Variants in STK24 observed in about 807,000 individuals in gnomAD.
The protein encoded by STK24 is serine/threonine kinase 24, also known as serine/threonine-protein kinase 24.
STK24 carries 21 observed loss-of-function variants against 55.6 expected under a neutral mutation model. The ratio of observed to expected loss-of-function variants is 0.38; its 90% CI spans 0.27 to 0.54. The LOEUF is 0.54. STK24 is among the 20% of genes least tolerant of loss of function. STK24 has a pLI of 0.79. For missense variants in STK24, 383 were observed against 538.4 expected, an observed-to-expected ratio of 0.71 and a Z score of 2.86; for synonymous variants, 200 against 215.2, an observed-to-expected ratio of 0.93 and a Z score of 0.62.
intron 1 of STK24, among the ~76,000 whole-genome samples, chr13:98,534,368 T>C (rs1896656253): frequency 4.6e-5 from 7 of 152,198 alleles, no homozygotes; most frequent in Admixed American, 3.9e-4. Flanking sequence ...AAGCTGTCCT[T>C]TTCATTCCTG....
chr13:98,471,049 C>T (rs938685818), intron 5 of STK24, among the ~76,000 whole-genome samples: 19 of 152,198 alleles, frequency 1.2e-4, no homozygotes, highest in Admixed American at 3.3e-4. Context: ...ATTACTCATG[C>T]AAAAATAAAG....
intron 1 of STK24, among the ~76,000 whole-genome samples, chr13:98,567,818 T>C (rs1897625575): frequency 6.6e-6 from 1 of 151,788 alleles, no homozygotes; most frequent in Non-Finnish European, 1.5e-5. Context: ...CAGCATCTAA[T>C]TGGGTCAATC....
In STK24 at chr13:98,508,250, G is replaced by A. The variant is rs1414636271; in HGVS notation, c.273+10993C>T. On this transcript the variant is annotated intron_variant, in intron 2 of 10. Transcript: ENST00000539966. ...CCCAAAAGCAGAAATCATATAAGGT[G>A]AAAAACTGATGGATTAACTACATTA... Among the ~76,000 whole-genome samples, 12 of 152,266 alleles carry A rather than the reference G, an allele frequency of 7.9e-5. No homozygotes were observed. The East Asian group carries it at 2.3e-3, about 29-fold the overall frequency.
At chr13:98,491,923 CAT>C (rs1895051743) in intron 2 of STK24, among the ~76,000 whole-genome samples, 1 of 152,016 alleles carries the variant, frequency 6.6e-6, no homozygotes, top group African/African-American at 2.4e-5. Flanking sequence ...AAATAAAACA[CAT>C]GGCAAAATTT....
rs1325839832 is a variant in STK24, at chr13:98,497,275, C to T, written c.274-14954G>A. 1.3e-5 allele frequency among the ~76,000 whole-genome samples: 2 copies of T among 152,146 alleles called. 1 individual carries two copies. The highest frequency in any genetic ancestry group is 4.8e-5 in the African/African-American group (2 of 41,426). On this transcript the variant is annotated intron_variant, in intron 2 of 10. Transcript: ENST00000539966. Reference sequence around the variant, plus strand: ...AAGCCCCACCCAAGCCTCCCTGTGCCCCAGTTTTCTCCGCAGCACTTATGA... The same window carrying T: ...AAGCCCCACCCAAGCCTCCCTGTGCTCCAGTTTTCTCCGCAGCACTTATGA...
intron 1 of STK24, among the ~76,000 whole-genome samples, chr13:98,574,842 C>G (rs1321806605): frequency 4.8e-5 from 7 of 144,722 alleles, no homozygotes; most frequent in Non-Finnish European, 1.1e-4. Context: ...GAATTCTGAC[C>G]CACTCAAAAA....
At chr13:98,459,090 A>G (rs1238363796) in intron 9 of STK24, among the ~76,000 whole-genome samples, 1 of 152,208 alleles carries the variant, frequency 6.6e-6, no homozygotes, top group Non-Finnish European at 1.5e-5. Flanking sequence ...AGGAGAATGA[A>G]AAAGTCCATG....
At chr13:98,557,399 T>G (rs1291257717) in intron 1 of STK24, among the ~76,000 whole-genome samples, 2 of 152,180 alleles carry the variant, frequency 1.3e-5, no homozygotes, top group Non-Finnish European at 2.9e-5. Flanking sequence ...AGGACTTGGG[T>G]GCGTGGGTGC....
At chr13:98,532,421 A>C in intron 1 of STK24, among the ~76,000 whole-genome samples, 1 of 150,548 alleles carries the variant, frequency 6.6e-6, no homozygotes, top group African/African-American at 2.4e-5. Flanking sequence ...CCCATCCCAC[A>C]CCCACCACAC....
rs756745734 is a variant in STK24 at position 98,450,898 on chromosome 13, G to C, written c.*2275C>G. On this transcript the variant is annotated 3_prime_UTR_variant, in exon 11 of 11. Coordinates refer to ENST00000539966, the MANE Select transcript of STK24 (RefSeq NM_001032296.4). ...CTACAGAAAGTAACAGCCCAGGAGA[G>C]AATGTACACAGAGGCGAGCTTTCTA... The C allele has an allele frequency of 6.6e-6, 1 of 152,192 alleles. No individual in the cohort carries two copies. Among genetic ancestry groups the C allele is most frequent in the African/African-American group, 2.4e-5 (1 of 41,442 alleles). The allele number at this position is 152,192 out of a possible 1,614,324, so 9.4% of individuals were successfully genotyped here. A position where few individuals can be genotyped will look rare whatever the true frequency, so the allele number is the denominator to read the frequency against.
rs1019481842 is a variant in STK24 at position 98,452,901 on chromosome 13, T to C, written c.*272A>G. 12 of 358,848 alleles carry C rather than the reference T, an allele frequency of 3.3e-5. No individual in the cohort carries two copies. The highest frequency in any genetic ancestry group is 1.7e-4 in the African/African-American group (8 of 47,560). The allele number at this position is 358,848 out of a possible 1,614,324, so 22.2% of individuals were successfully genotyped here. On this transcript the variant is annotated 3_prime_UTR_variant, in exon 11 of 11. Coordinates refer to ENST00000539966, the MANE Select transcript of STK24 (RefSeq NM_001032296.4). ...TTTTTAAAGACACTTTCCTGGAATA[T>C]GTGCACTATGGTTAAAATTAAAAAC...
chr13:98,524,079 C>A (rs1401884507), intron 1 of STK24, among the ~76,000 whole-genome samples: 1 of 152,164 alleles, frequency 6.6e-6, no homozygotes, highest in African/African-American at 2.4e-5. Flanking sequence ...CACGCAGACC[C>A]TTGAGTCAGA....
intron 1 of STK24, among the ~76,000 whole-genome samples, chr13:98,550,087 G>A (rs1594662159): frequency 6.6e-6 from 1 of 152,200 alleles, no homozygotes; most frequent in African/African-American, 2.4e-5. Context: ...ATAGTGGCTA[G>A]GGTTGTAACA....
intron 1 of STK24, among the ~76,000 whole-genome samples, chr13:98,535,055 A>G (rs1448555054): frequency 6.6e-6 from 1 of 152,224 alleles, no homozygotes; most frequent in Non-Finnish European, 1.5e-5. Context: ...ATTTGATAAA[A>G]AATATGCAAC....
At chr13:98,460,465 C>A in intron 8 of STK24, 25 bp from the exon 9 acceptor site, 1 of 1,595,532 alleles carries the variant, frequency 6.3e-7, no homozygotes, top group South Asian at 1.1e-5. Flanking sequence ...AAAAAAAGGT[C>A]ATCAGAAACA....
chr13:98,461,398 A>G (rs1442724843), intron 8 of STK24, among the ~76,000 whole-genome samples: 1 of 152,242 alleles, frequency 6.6e-6, no homozygotes, highest in Non-Finnish European at 1.5e-5. Context: ...AGGTCCTTAA[A>G]ACTCAGTCAC....
chr13:98,569,743 C>G (rs148153469), intron 1 of STK24, among the ~76,000 whole-genome samples: 1 of 151,928 alleles, frequency 6.6e-6, no homozygotes, highest in Admixed American at 6.6e-5. Flanking sequence ...ATTACAACAT[C>G]TCTCTGCTGG....
chr13:98,561,518 G>A (rs1005848334), intron 1 of STK24, among the ~76,000 whole-genome samples: 4 of 151,744 alleles, frequency 2.6e-5, no homozygotes, highest in Admixed American at 6.6e-5. Flanking sequence ...GGAGGCAGAG[G>A]TTGCAATGAG....
At chr13:98,559,541 G>A (rs1472948189) in intron 1 of STK24, among the ~76,000 whole-genome samples, 1 of 152,054 alleles carries the variant, frequency 6.6e-6, no homozygotes, top group Non-Finnish European at 1.5e-5. Context: ...CTTCATAGCA[G>A]TATGAAAATG....
Sources: allele counts gnomAD v4.1 joint callset (sites outside exome capture counted in the v4.1 genomes callset), GRCh38; gene constraint gnomAD v4.1.1; transcripts MANE v1.5; gene names NCBI Gene and HGNC (gene_info 2026-07-23, HGNC 2026-07-21).